GRM1: variants seen among roughly 807,000 people sequenced by gnomAD.
The protein encoded by GRM1 is glutamate metabotropic receptor 1.
GRM1 carries 33 observed loss-of-function variants against 90.9 expected under a neutral mutation model. That is an observed-to-expected ratio of 0.36 (90% CI 0.28 to 0.49). The LOEUF (loss-of-function observed/expected upper bound fraction) is 0.49, where lower values mean the gene tolerates loss of function less well. Among genes scored for constraint, GRM1 ranks in the 20% least tolerant of loss-of-function variants. GRM1 has a pLI of 0.99. For synonymous variants in GRM1, 700 were observed against 613.2 expected (o/e 1.14, Z -2.09); for missense variants, 1,190 against 1,534.3 (o/e 0.78, Z 3.75).
Position 146,029,549 on chromosome 6 carries a change from C to G in GRM1, c.32C>G (p.Ala11Gly), listed in dbSNP as rs377264022. 34 of 1,614,032 alleles carry G rather than the reference C, an allele frequency of 2.1e-5. No homozygotes were observed. Among genetic ancestry groups the G allele is most frequent in the Non-Finnish European group, 2.9e-5 (34 of 1,179,958 alleles). The change falls in exon 1 of 8, where the codon GCG becomes GGG. Residue 11 changes from alanine (A) to glycine (G), a missense_variant. Physicochemically the swap from Ala to Gly is moderately conservative, Grantham distance 60. This residue lies in a region of GRM1 where 44 missense variants were observed against 35.8 expected (regional missense o/e 1.23). Transcript: ENST00000282753. MVGLLLFFFP[A>G]IFLEVSLLPR... is the part of the protein sequence containing the mutation. ...GGGCTCCTTTTGTTTTTTTTCCCAG[C>G]GATCTTTTTGGAGGTGTCCCTTCTC...
At chr6:146,203,192 AAAATAAATAAATAAATAAAT>A (rs60263974) in intron 2 of GRM1, among the ~76,000 whole-genome samples, 14 of 141,786 alleles carry the variant, frequency 9.9e-5, no homozygotes, top group Middle Eastern at 3.6e-3. Flanking sequence ...ACTCCGTCTC[AAAATAAATAAATAAATAAAT>A]AAATAAATAA....
chr6:146,059,384 A>T (rs1775588346), intron 1 of GRM1, among the ~76,000 whole-genome samples: 1 of 152,112 alleles, frequency 6.6e-6, no homozygotes, highest in Non-Finnish European at 1.5e-5. Flanking sequence ...TGAGCAGTAG[A>T]TCTCAACAGT....
At chr6:146,401,330 A>G (rs1291995608) in intron 7 of GRM1, among the ~76,000 whole-genome samples, 1 of 151,786 alleles carries the variant, frequency 6.6e-6, no homozygotes, top group Non-Finnish European at 1.5e-5. Context: ...TCCTCTTACC[A>G]TGTTTTTTTT....
chr6:146,199,025 G>T (rs563115295), intron 2 of GRM1, among the ~76,000 whole-genome samples: 1 of 152,022 alleles, frequency 6.6e-6, no homozygotes, highest in Non-Finnish European at 1.5e-5. Context: ...TCTATTATTC[G>T]GGGCCCTATT....
intron 2 of GRM1, among the ~76,000 whole-genome samples, chr6:146,188,999 C>T (rs1011694706): frequency 1.3e-5 from 2 of 152,190 alleles, no homozygotes; most frequent in Non-Finnish European, 2.9e-5. Flanking sequence ...GAGAAACTAT[C>T]TCCTCCTTAA....
intron 6 of GRM1, among the ~76,000 whole-genome samples, chr6:146,394,141 G>T (rs1299516492): frequency 1.3e-5 from 2 of 151,980 alleles, no homozygotes; most frequent in Non-Finnish European, 2.9e-5. Flanking sequence ...TTAAATGTAA[G>T]ACCTAAATCC....
intron 3 of GRM1, among the ~76,000 whole-genome samples, chr6:146,326,709 A>G (rs1374635676): frequency 6.6e-6 from 1 of 152,238 alleles, no homozygotes; most frequent in Non-Finnish European, 1.5e-5. Flanking sequence ...AGCCCACATT[A>G]GCTAACAACA....
chr6:146,132,550 T>C (rs935573056), intron 1 of GRM1, among the ~76,000 whole-genome samples: 8 of 152,166 alleles, frequency 5.3e-5, no homozygotes, highest in African/African-American at 1.9e-4. Flanking sequence ...TTTGGAATTG[T>C]CCCACATTTT....
intron 7 of GRM1, among the ~76,000 whole-genome samples, chr6:146,414,938 A>G (rs1407954217): frequency 6.6e-6 from 1 of 152,134 alleles, no homozygotes; most frequent in Non-Finnish European, 1.5e-5. Flanking sequence ...TGTTTTTTCT[A>G]GGAGGTTTAT....
chr6:146,119,187 G>A (rs529667790), intron 1 of GRM1, among the ~76,000 whole-genome samples: 25 of 152,276 alleles, frequency 1.6e-4, no homozygotes, highest in South Asian at 6.2e-4. Context: ...TTCTCTGATG[G>A]CCAGTGATGA....
At chr6:146,329,610 T>C (rs1161336718) in intron 3 of GRM1, among the ~76,000 whole-genome samples, 1 of 152,216 alleles carries the variant, frequency 6.6e-6, no homozygotes, top group Non-Finnish European at 1.5e-5. Flanking sequence ...CTTTGTGTGA[T>C]TTCCTGCAAA....
At chr6:146,062,843 T>C (rs1453602415) in intron 1 of GRM1, among the ~76,000 whole-genome samples, 1 of 152,224 alleles carries the variant, frequency 6.6e-6, no homozygotes, top group Non-Finnish European at 1.5e-5. Flanking sequence ...AACCTCATTT[T>C]TGAACATTAA....
chr6:146,244,744 T>C (rs1284558169), intron 2 of GRM1, among the ~76,000 whole-genome samples: 1 of 152,148 alleles, frequency 6.6e-6, no homozygotes, highest in East Asian at 1.9e-4. Context: ...AGACAGCCCA[T>C]AGTAGCAAAT....
intron 2 of GRM1, among the ~76,000 whole-genome samples, chr6:146,280,288 C>T (rs1289096730): frequency 2.0e-5 from 3 of 152,074 alleles, no homozygotes; most frequent in African/African-American, 7.2e-5. Context: ...GTGATCATAG[C>T]CCTGAGTTAT....
intron 2 of GRM1, among the ~76,000 whole-genome samples, chr6:146,302,692 T>C (rs540369576): frequency 6.6e-6 from 1 of 152,104 alleles, no homozygotes; most frequent in African/African-American, 2.4e-5. Context: ...TTTAGCCTCA[T>C]AGAGTTTGTA....
At chr6:146,207,382 A>G (rs1347683222) in intron 2 of GRM1, among the ~76,000 whole-genome samples, 1 of 152,104 alleles carries the variant, frequency 6.6e-6, no homozygotes, top group Non-Finnish European at 1.5e-5. Context: ...GGCCACATGT[A>G]TGTCTTCTTT....
chr6:146,356,178 G>T (rs1284131612), intron 4 of GRM1, among the ~76,000 whole-genome samples: 1 of 152,154 alleles, frequency 6.6e-6, no homozygotes, highest in Non-Finnish European at 1.5e-5. Flanking sequence ...GTATTTTAGG[G>T]CATTAATAGT....
chr6:146,245,348 C>T (rs984786583), intron 2 of GRM1, among the ~76,000 whole-genome samples: 3 of 152,138 alleles, frequency 2.0e-5, no homozygotes, highest in Non-Finnish European at 4.4e-5. Flanking sequence ...AGTCTCTGGG[C>T]TCAACAATTA....
intron 2 of GRM1, among the ~76,000 whole-genome samples, chr6:146,202,139 G>A (rs1439809376): frequency 6.6e-6 from 1 of 152,120 alleles, no homozygotes; most frequent in Non-Finnish European, 1.5e-5. Flanking sequence ...TTCCACCATG[G>A]ATAAATACAT....
Sources: gnomAD v4.1 joint callset for allele counts (sites outside exome capture counted in the v4.1 genomes callset) on GRCh38, gnomAD v4.1.1 for gene constraint, gnomAD v4.1.1 regional missense constraint, MANE v1.5 for transcripts, NCBI Gene and HGNC (gene_info 2026-07-23, HGNC 2026-07-21) for gene names.